The following MSH3 variants were observed in gnomAD, a reference collection of about 807,000 sequenced individuals.
MSH3 encodes the protein DNA mismatch repair protein Msh3.
Under a neutral mutation model 123.3 loss-of-function variants are expected in MSH3, and 106 were observed. That is an observed-to-expected ratio of 0.86 (90% CI 0.73 to 1.01). The LOEUF is 1.01. Ranked by LOEUF, MSH3 falls within the 50% of genes least tolerant of loss-of-function variation. The pLI is 0.00. For missense variants in MSH3, 1,459 were observed against 1,347.6 expected, an observed-to-expected ratio of 1.08 and a Z score of -1.29; for synonymous variants, 515 against 481.4, an observed-to-expected ratio of 1.07 and a Z score of -0.91.
chr5:80,863,071 C>A (rs191734899), intron 21 of MSH3, among the ~76,000 whole-genome samples: 3 of 152,128 alleles, frequency 2.0e-5, no homozygotes, highest in East Asian at 3.9e-4. Context: ...TAGTGGGTAC[C>A]CTCTTCAACC....
At chr5:80,677,431 A>AC (rs763136982) in intron 7 of MSH3, among the ~76,000 whole-genome samples, 8 of 152,172 alleles carry the variant, frequency 5.3e-5, no homozygotes, top group Non-Finnish European at 1.0e-4. Context: ...CTGACTGAAA[A>AC]ATTTGTTACT....
chr5:80,869,897 G>A (rs955166463), intron 22 of MSH3, among the ~76,000 whole-genome samples: 1 of 148,528 alleles, frequency 6.7e-6, no homozygotes, highest in African/African-American at 2.5e-5. Context: ...TAATAGGCTG[G>A]GCATGGTGGC....
chr5:80,674,932 T>C, intron 6 of MSH3, 51 bp from the exon 7 acceptor site: 1 of 1,362,228 alleles, frequency 7.3e-7, no homozygotes, highest in Non-Finnish European at 1.0e-6. Flanking sequence ...AAATTTAGCA[T>C]ATTAGGATTT....
chr5:80,872,957 A>G (rs1309330079), intron 22 of MSH3, among the ~76,000 whole-genome samples, 159 bp from the exon 23 acceptor site: 2 of 152,250 alleles, frequency 1.3e-5, no homozygotes, highest in African/African-American at 2.4e-5. Context: ...ACCCTTTTCT[A>G]GACATATCAA....
chr5:80,680,152 C>T (rs1418607204), intron 8 of MSH3, among the ~76,000 whole-genome samples: 3 of 151,626 alleles, frequency 2.0e-5, no homozygotes, highest in Non-Finnish European at 2.9e-5. Context: ...CCCAGCTACC[C>T]CGGAGGCTGA....
At chr5:80,856,111 T>C (rs1294462770) in intron 21 of MSH3, among the ~76,000 whole-genome samples, 1 of 152,018 alleles carries the variant, frequency 6.6e-6, no homozygotes, top group Non-Finnish European at 1.5e-5. Flanking sequence ...TCTTGAACTT[T>C]CAGGCTCCAG....
chr5:80,742,165 A>G (rs1430181260), intron 11 of MSH3, among the ~76,000 whole-genome samples: 1 of 152,016 alleles, frequency 6.6e-6, no homozygotes, highest in Non-Finnish European at 1.5e-5. Context: ...ACCTGCCACC[A>G]CGCCTGGCTA....
At chr5:80,854,667 T>G (rs1031734723) in intron 21 of MSH3, among the ~76,000 whole-genome samples, 1 of 152,208 alleles carries the variant, frequency 6.6e-6, no homozygotes, top group Admixed American at 6.5e-5. Context: ...TTATCTTTTT[T>G]ATAATTGACT....
rs184406717 is a variant in MSH3 at position 80,847,541 on chromosome 5, C to T, written c.2814-6589C>T. Among the ~76,000 whole-genome samples, 9 of 152,260 alleles carry T rather than the reference C, an allele frequency of 5.9e-5. 1 individual carries two copies. The highest frequency in any genetic ancestry group is 1.9e-4 in the African/African-American group (8 of 41,558). On this transcript the variant is annotated intron_variant, in intron 20 of 23. Coordinates refer to ENST00000265081, the MANE Select transcript of MSH3 (RefSeq NM_002439.5). ...TTGCTCCCGTTATCTTCCAGTATTA[C>T]ATTCAATGTAGATAAAGTCAGTAAG... is the stretch of plus-strand genomic sequence containing the variant.
chr5:80,848,313 A>G (rs1435438753), intron 20 of MSH3, among the ~76,000 whole-genome samples: 3 of 152,332 alleles, frequency 2.0e-5, no homozygotes, highest in East Asian at 1.9e-4. Flanking sequence ...TTCAGTGATC[A>G]TATTTTTAAT....
chr5:80,860,869 G>A (rs1471684245), intron 21 of MSH3, among the ~76,000 whole-genome samples: 5 of 151,784 alleles, frequency 3.3e-5, no homozygotes, highest in Admixed American at 3.3e-4. Context: ...GTCTTTTTCT[G>A]TTTGCATTTC....
intron 7 of MSH3, among the ~76,000 whole-genome samples, chr5:80,678,193 T>C (rs773395667): frequency 3.3e-5 from 5 of 152,206 alleles, no homozygotes; most frequent in African/African-American, 4.8e-5. Context: ...ACAGTGTGGA[T>C]TGGGGAGTAG....
intron 22 of MSH3, among the ~76,000 whole-genome samples, chr5:80,866,334 T>C (rs759229959): frequency 1.1e-4 from 16 of 152,228 alleles, no homozygotes; most frequent in Non-Finnish European, 2.1e-4. Flanking sequence ...AGACAGGCTC[T>C]CACTATGTTG....
chr5:80,695,070 G>A (rs1235907311), intron 8 of MSH3, among the ~76,000 whole-genome samples: 1 of 142,212 alleles, frequency 7.0e-6, no homozygotes. Flanking sequence ...GTTGTTGGTG[G>A]TGGTGTTTTT....
In MSH3 at chr5:80,876,252, A is replaced by G. The variant is rs563061406; in HGVS notation, c.*390A>G. 1 of 240,024 alleles carries G rather than the reference A, an allele frequency of 4.2e-6. No homozygotes were observed. The highest frequency in any genetic ancestry group is 8.1e-6 in the Non-Finnish European group (1 of 122,842). The allele number at this position is 240,024 out of a possible 1,614,324, so 14.9% of individuals were successfully genotyped here. The stretch of plus-strand genomic sequence containing the variant: ...CTGGCAGGAATCTATCCATTGAACT[A>G]AAATAATTTTATTATGCAACCAGTT... On this transcript the variant is annotated 3_prime_UTR_variant, in exon 24 of 24. Transcript: ENST00000265081.
intron 8 of MSH3, among the ~76,000 whole-genome samples, chr5:80,692,632 GTTTA>G (rs1291468557): frequency 4.4e-5 from 6 of 137,644 alleles, no homozygotes; most frequent in Non-Finnish European, 9.5e-5. Context: ...ACATGTATAT[GTTTA>G]TATATGTTTA....
At chr5:80,728,131 C>G (rs1362817257) in intron 9 of MSH3, among the ~76,000 whole-genome samples, 1 of 152,114 alleles carries the variant, frequency 6.6e-6, no homozygotes. Flanking sequence ...GCTTTGACCT[C>G]TACTCTTAAT....
chr5:80,783,140 T>C (rs1172547901), intron 17 of MSH3, among the ~76,000 whole-genome samples: 2 of 152,244 alleles, frequency 1.3e-5, no homozygotes, highest in African/African-American at 4.8e-5. Context: ...CATGGTAAAC[T>C]TCTCTAGTCA....
At chr5:80,848,577 G>T (rs1745765769) in intron 20 of MSH3, among the ~76,000 whole-genome samples, 1 of 152,220 alleles carries the variant, frequency 6.6e-6, no homozygotes, top group Non-Finnish European at 1.5e-5. Flanking sequence ...CAGAAGGCAA[G>T]GGAGAGCAAG....
Sources: gnomAD v4.1 joint callset for allele counts (sites outside exome capture counted in the v4.1 genomes callset) on GRCh38, gnomAD v4.1.1 for gene constraint, MANE v1.5 for transcripts, NCBI Gene and HGNC (gene_info 2026-07-23, HGNC 2026-07-21) for gene names.